Variants in SPMAP2L observed in about 807,000 individuals in gnomAD.
SPMAP2L encodes sperm microtubule associated protein 2-like.
At chr4:56,552,459 T>C in the SPMAP2L span, 1 of 692,684 alleles carries the variant, frequency 1.4e-6, no homozygotes, top group African/African-American at 1.8e-5. Context: ...TTTTAGTTCT[T>C]TTTTTTCCCC....
the SPMAP2L span, among the ~76,000 whole-genome samples, chr4:56,599,316 T>C: frequency 1.3e-5 from 2 of 152,188 alleles, no homozygotes; most frequent in Admixed American, 6.5e-5. Context: ...CCTGAGCAGC[T>C]GTGACCACAG....
the SPMAP2L span, among the ~76,000 whole-genome samples, chr4:56,568,785 A>G: frequency 6.6e-6 from 1 of 152,374 alleles, no homozygotes; most frequent in African/African-American, 2.4e-5. Context: ...TAAAAGAAAC[A>G]TTAAACTCAT....
chr4:56,535,735 C>T, the SPMAP2L span, among the ~76,000 whole-genome samples: 5 of 152,182 alleles, frequency 3.3e-5, no homozygotes, highest in South Asian at 2.1e-4. Flanking sequence ...GCACCATCCC[C>T]GGTTCATTAT....
the SPMAP2L span, among the ~76,000 whole-genome samples, chr4:56,608,018 GAAAGA>G: frequency 6.9e-6 from 1 of 145,440 alleles, no homozygotes; most frequent in African/African-American, 2.5e-5. Flanking sequence ...AAAAAAGAAA[GAAAGA>G]AAAGAAATAT....
chr4:56,593,057 A>G, the SPMAP2L span: 18 of 1,587,066 alleles, frequency 1.1e-5, no homozygotes, highest in Middle Eastern at 7.5e-4. Flanking sequence ...GAGATCCTAT[A>G]TTGGCATGGG....
At chr4:56,587,290 A>ATTGG in the SPMAP2L span, among the ~76,000 whole-genome samples, 6 of 151,792 alleles carry the variant, frequency 4.0e-5, no homozygotes, top group African/African-American at 1.5e-4. Flanking sequence ...TGATTGATTG[A>ATTGG]TTGATTTCTT....
At chr4:56,609,011 A>C in the SPMAP2L span, among the ~76,000 whole-genome samples, 1 of 149,522 alleles carries the variant, frequency 6.7e-6, no homozygotes, top group Admixed American at 6.6e-5. Context: ...TGTATATCCT[A>C]TGCTGATATC....
the SPMAP2L span, among the ~76,000 whole-genome samples, chr4:56,562,631 G>T: frequency 1.3e-5 from 2 of 152,052 alleles, no homozygotes; most frequent in Non-Finnish European, 2.9e-5. Context: ...TGCGGTGTGT[G>T]TGCATCACAT....
chr4:56,551,832 T>G, the SPMAP2L span, among the ~76,000 whole-genome samples: 2 of 152,226 alleles, frequency 1.3e-5, no homozygotes, highest in Non-Finnish European at 1.5e-5. Flanking sequence ...GTGAATTGAT[T>G]GGCCCTCCTC....
At chr4:56,585,373 G>T in the SPMAP2L span, among the ~76,000 whole-genome samples, 3 of 151,978 alleles carry the variant, frequency 2.0e-5, no homozygotes, top group African/African-American at 7.3e-5. Context: ...TTAAGACAAG[G>T]TCCCACTCTG....
the SPMAP2L span, among the ~76,000 whole-genome samples, chr4:56,616,380 C>T: frequency 1.1e-3 from 168 of 152,284 alleles, 1 homozygote; most frequent in African/African-American, 3.5e-3. Context: ...AATGCAGTCA[C>T]GTTCTGAGGT....
the SPMAP2L span, among the ~76,000 whole-genome samples, chr4:56,571,891 G>A: frequency 6.6e-6 from 1 of 152,000 alleles, no homozygotes; most frequent in Non-Finnish European, 1.5e-5. Flanking sequence ...AGAGGGTCAG[G>A]ATCATTCATA....
At chr4:56,532,589 C>T in the SPMAP2L span, among the ~76,000 whole-genome samples, 1 of 152,184 alleles carries the variant, frequency 6.6e-6, no homozygotes, top group Non-Finnish European at 1.5e-5. Context: ...GCATCACCCC[C>T]ATTTCTCTGT....
the SPMAP2L span, chr4:56,575,468 T>C: frequency 6.5e-7 from 1 of 1,531,390 alleles, no homozygotes; most frequent in Middle Eastern, 1.7e-4. Context: ...AAATCATGCT[T>C]GTTTCGTTTA....
the SPMAP2L span, chr4:56,559,320 A>AAAG: frequency 1.2e-5 from 14 of 1,170,292 alleles, no homozygotes; most frequent in African/African-American, 2.3e-4. Flanking sequence ...AAAAAAAAAA[A>AAAG]AAGAGTCATT....
At chr4:56,574,280 A>G in the SPMAP2L span, among the ~76,000 whole-genome samples, 1 of 152,146 alleles carries the variant, frequency 6.6e-6, no homozygotes, top group Admixed American at 6.5e-5. Context: ...TTAGCCCAGC[A>G]TGGTGATGCA....
the SPMAP2L span, among the ~76,000 whole-genome samples, chr4:56,554,633 G>C: frequency 6.6e-6 from 1 of 152,112 alleles, no homozygotes; most frequent in South Asian, 2.1e-4. Flanking sequence ...TCTCTTAGCA[G>C]TGTGTTTCAC....
At chr4:56,563,127 C>T in the SPMAP2L span, among the ~76,000 whole-genome samples, 1 of 137,600 alleles carries the variant, frequency 7.3e-6, no homozygotes, top group African/African-American at 2.7e-5. Context: ...GGGCCTCACT[C>T]TGTCACCCAG....
the SPMAP2L span, among the ~76,000 whole-genome samples, chr4:56,564,816 C>T: frequency 6.6e-6 from 1 of 151,980 alleles, no homozygotes; most frequent in East Asian, 1.9e-4. Flanking sequence ...GATGCATTTT[C>T]CTCTAAGTAT....
Sources: allele counts gnomAD v4.1 joint callset (sites outside exome capture counted in the v4.1 genomes callset), GRCh38; gene constraint gnomAD v4.1.1; transcripts MANE v1.5; gene names NCBI Gene and HGNC (gene_info 2026-07-23, HGNC 2026-07-21).